The following MYH13 variants were observed in gnomAD, a reference collection of about 807,000 sequenced individuals.
MYH13 encodes myosin-13.
Under a neutral mutation model 232.1 loss-of-function variants are expected in MYH13, and 177 were observed. That is an observed-to-expected ratio of 0.76 (90% CI 0.67 to 0.86). The LOEUF (loss-of-function observed/expected upper bound fraction) is 0.86. Among genes scored for constraint, MYH13 ranks in the 40% least tolerant of loss-of-function variants. The pLI is 0.00. For synonymous variants in MYH13, 884 were observed against 923.5 expected, an observed-to-expected ratio of 0.96 and a Z score of 0.78; for missense variants, 2,246 against 2,405.9, an observed-to-expected ratio of 0.93 and a Z score of 1.39.
intron 1 of MYH13, among the ~76,000 whole-genome samples, 162 bp downstream of exon 1, chr17:10,372,817 T>C (rs2071886934): frequency 6.6e-6 from 1 of 152,212 alleles, no homozygotes; most frequent in Admixed American, 6.5e-5. Flanking sequence ...GCAGTTGTCT[T>C]GTCTTTCCAT....
intron 22 of MYH13, among the ~76,000 whole-genome samples, chr17:10,326,793 T>C (rs1311464955): frequency 6.7e-6 from 1 of 150,268 alleles, no homozygotes; most frequent in Admixed American, 6.7e-5. Flanking sequence ...GCCCCATTTC[T>C]TTGATAAAAC....
In MYH13 at chr17:10,328,060, A is replaced by C; in HGVS notation, c.2497T>G (p.Trp833Gly). 4 of 1,614,192 alleles carry C rather than the reference A, an allele frequency of 2.5e-6. No homozygotes were observed. In the East Asian group the frequency reaches 6.7e-5, roughly 27 times the overall value. The stretch of plus-strand genomic sequence containing the variant: ...TTGATTTTGAAGAACAGGTTCATCC[A>C]GGGCCAGTGCTTGACGTTCATAAAA... The part of the protein sequence containing the change: ...RSFMNVKHWP[W>G]MNLFFKIKPL... The change falls in exon 22 of 41, where the codon TGG becomes GGG. Residue 833 changes from tryptophan (W) to glycine (G), a missense_variant. Transcript: ENST00000252172.
chr17:10,312,844 G>T, intron 30 of MYH13, 87 bp from the exon 31 acceptor site: 2 of 1,412,590 alleles, frequency 1.4e-6, no homozygotes, highest in South Asian at 1.4e-5. Context: ...AATGAATAGC[G>T]TGGAAGGGAC....
chr17:10,337,523 G>C (rs1352457383), intron 18 of MYH13, among the ~76,000 whole-genome samples: 2 of 152,190 alleles, frequency 1.3e-5, no homozygotes, highest in Non-Finnish European at 2.9e-5. Context: ...ATCATGGATC[G>C]TGACTCCCAG....
Position 10,340,187 on chromosome 17 carries a change from A to C in MYH13, c.2019T>G (p.Phe673Leu), listed in dbSNP as rs1404198290. 1.2e-6 allele frequency: 2 copies of C among 1,614,016 alleles called. No homozygotes were observed. Among genetic ancestry groups the C allele is most frequent in the South Asian group, 2.2e-5 (2 of 91,048 alleles). ...TCTCATTGGGAATCAGACATCGTAC[A>C]AAGTGAGGGTGGGTGCTCCTTAAGT... ...MTNLRSTHPH[F>L]VRCLIPNETK... Residue 673 changes from phenylalanine (F) to leucine (L), a missense_variant, in exon 18 of 41, where the codon TTT becomes TTG. Coordinates refer to ENST00000252172, the MANE Select transcript of MYH13 (RefSeq NM_003802.3).
At chr17:10,333,624 C>T (rs578140225) in intron 18 of MYH13, among the ~76,000 whole-genome samples, 5 of 152,220 alleles carry the variant, frequency 3.3e-5, no homozygotes, top group African/African-American at 7.2e-5. Context: ...AAGAGGAGGC[C>T]GGCTGGGCGC....
Position 10,303,472 on chromosome 17 carries a change from A to C in MYH13, c.5493T>G (p.Asp1831Glu). ...CTTCAGCTCCCCTCTTCTGTTCCACATCAAGCTCATTTTCCAGCTCCCGCA... is the reference window on the plus strand; with the variant it reads ...CTTCAGCTCCCCTCTTCTGTTCCACCTCAAGCTCATTTTCCAGCTCCCGCA... ...NRVRELENEL[D>E]VEQKRGAEAL... Residue 1831 changes from aspartate to glutamate, a missense_variant, in exon 38 of 41, where the codon GAT (aspartate) becomes GAG (glutamate). Coordinates refer to ENST00000252172, the MANE Select transcript of MYH13 (RefSeq NM_003802.3). 6.2e-7 allele frequency: 1 copy of C among 1,613,896 alleles called. No homozygotes were observed. Among genetic ancestry groups the C allele is most frequent in the Non-Finnish European group, 8.5e-7 (1 of 1,179,884 alleles).
chr17:10,336,810 C>T (rs1296350545), intron 18 of MYH13, among the ~76,000 whole-genome samples: 2 of 152,136 alleles, frequency 1.3e-5, no homozygotes, highest in Non-Finnish European at 1.5e-5. Context: ...ATGGGAATGA[C>T]CCTCGAGGCT....
intron 15 of MYH13, 118 bp from the exon 16 acceptor site, chr17:10,344,227 C>T (rs12453187): frequency 0.27 from 379,405 of 1,423,650 alleles, 52,989 homozygotes; most frequent in Non-Finnish European, 0.29. Flanking sequence ...CTGGCATGTA[C>T]GCTCGGTGAG....
chr17:10,319,360 T>C (rs1906847263), intron 26 of MYH13, among the ~76,000 whole-genome samples, 181 bp from the exon 27 acceptor site: 1 of 151,864 alleles, frequency 6.6e-6, no homozygotes, highest in Admixed American at 6.6e-5. Context: ...AATACAAAAA[T>C]TAGCCGGGTG....
intron 35 of MYH13, 135 bp from the exon 36 acceptor site, chr17:10,307,199 G>T (rs1449387760): frequency 2.0e-6 from 2 of 1,019,392 alleles, no homozygotes; most frequent in South Asian, 1.8e-5. Flanking sequence ...GACCTGCTGG[G>T]TACAGTACTG....
At chr17:10,357,662 A>G in intron 8 of MYH13, 73 bp downstream of exon 8, 1 of 1,375,578 alleles carries the variant, frequency 7.3e-7, no homozygotes, top group Non-Finnish European at 1.0e-6. Flanking sequence ...TTTATGGGGC[A>G]GTTTTTCATA....
Position 10,333,188 on chromosome 17 carries a change from A to G in MYH13, c.2060T>C (p.Val687Ala). Residue 687 changes from valine to alanine, a missense_variant, in exon 19 of 41, where the codon GTG becomes GCG. Physicochemically the swap from Val to Ala is moderately conservative, Grantham distance 64. Coordinates refer to ENST00000252172, the MANE Select transcript of MYH13 (RefSeq NM_003802.3). ...LIPNETKTPG[V>A]MDHYLVMHQL... ...GTGCATGACCAAGTAGTGGTCCATC[A>G]CACCTGGAGAGAGAACGTCCCGGGG... The G allele has an allele frequency of 6.5e-7, 1 of 1,545,200 alleles. No homozygotes were observed. Among genetic ancestry groups the G allele is most frequent in the South Asian group, 1.2e-5 (1 of 83,972 alleles).
At chr17:10,364,275 A>G (rs183639968) in intron 3 of MYH13, 52 bp downstream of exon 3, 55 of 1,541,126 alleles carry the variant, frequency 3.6e-5, no homozygotes, top group East Asian at 1.6e-4. Flanking sequence ...TTCTACTCCA[A>G]AGAAAAATGA....
intron 22 of MYH13, among the ~76,000 whole-genome samples, chr17:10,327,438 G>A (rs936596966): frequency 8.6e-5 from 13 of 152,028 alleles, no homozygotes; most frequent in African/African-American, 2.9e-4. Context: ...GAGCTACCAC[G>A]CCCGGCCTAA....
intron 1 of MYH13, among the ~76,000 whole-genome samples, chr17:10,372,626 A>G (rs1156686878): frequency 1.3e-5 from 2 of 152,260 alleles, no homozygotes; most frequent in African/African-American, 4.8e-5. Context: ...AGCTTAAGCA[A>G]TCACAGAAGA....
At chr17:10,305,068 C>G (rs1906230082) in intron 37 of MYH13, among the ~76,000 whole-genome samples, 1 of 152,204 alleles carries the variant, frequency 6.6e-6, no homozygotes, top group South Asian at 2.1e-4. Flanking sequence ...CCCTCCACCT[C>G]CTGGACCCAG....
intron 7 of MYH13, among the ~76,000 whole-genome samples, chr17:10,358,884 C>G (rs2071769719): frequency 6.6e-6 from 1 of 152,184 alleles, no homozygotes; most frequent in Non-Finnish European, 1.5e-5. Flanking sequence ...GATGTGTACT[C>G]CAGTTTGAAA....
intron 2 of MYH13, among the ~76,000 whole-genome samples, chr17:10,365,429 GTTAAAGCACAGA>G (rs1387030289): frequency 5.9e-5 from 9 of 152,330 alleles, no homozygotes; most frequent in Admixed American, 2.0e-4. Flanking sequence ...TTGAGGGGTT[GTTAAAGCACAGA>G]TTACGGGCCC....
Sources: allele counts gnomAD v4.1 joint callset (sites outside exome capture counted in the v4.1 genomes callset), GRCh38; gene constraint gnomAD v4.1.1; transcripts MANE v1.5; gene names NCBI Gene and HGNC (gene_info 2026-07-23, HGNC 2026-07-21).